Variants in MAGI2 observed in about 807,000 individuals in gnomAD.
MAGI2 encodes membrane-associated guanylate kinase, WW and PDZ domain-containing protein 2.
Under a neutral mutation model 133.3 loss-of-function variants are expected in MAGI2, and 35 were observed. The observed-to-expected ratio is 0.26, with a 90% confidence interval of 0.20 to 0.35. The LOEUF is 0.35. Among genes scored for constraint, MAGI2 ranks in the 10% least tolerant of loss-of-function variants. The pLI is 1.00. For synonymous variants in MAGI2, 729 were observed against 710.6 expected, an observed-to-expected ratio of 1.03 and a Z score of -0.41; for missense variants, 1,636 against 1,863.4, an observed-to-expected ratio of 0.88 and a Z score of 2.25.
At chr7:78,526,465 A>T (rs1796961213) in intron 3 of MAGI2, among the ~76,000 whole-genome samples, 1 of 152,210 alleles carries the variant, frequency 6.6e-6, no homozygotes, top group African/African-American at 2.4e-5. Flanking sequence ...TGTAAGTTTA[A>T]TATCAAATTC....
intron 3 of MAGI2, among the ~76,000 whole-genome samples, chr7:78,538,539 T>C: frequency 6.6e-6 from 1 of 152,198 alleles, no homozygotes; most frequent in East Asian, 1.9e-4. Flanking sequence ...AGAGATCTTT[T>C]ACCTCCTTGG....
chr7:78,549,151 T>G (rs1459749171), intron 3 of MAGI2, among the ~76,000 whole-genome samples: 2 of 152,158 alleles, frequency 1.3e-5, no homozygotes, highest in African/African-American at 4.8e-5. Context: ...CAAAAAATTG[T>G]GGACTTTGAG....
At chr7:78,816,221 G>A (rs1394776872) in intron 2 of MAGI2, among the ~76,000 whole-genome samples, 1 of 152,164 alleles carries the variant, frequency 6.6e-6, no homozygotes, top group East Asian at 1.9e-4. Context: ...ATTCTATGAA[G>A]GTTAAAAGAG....
chr7:78,479,606 C>G (rs1792148533), intron 6 of MAGI2, among the ~76,000 whole-genome samples: 1 of 151,942 alleles, frequency 6.6e-6, no homozygotes. Context: ...GCCTACGAAA[C>G]AGGCCAGAAC....
At chr7:78,684,405 A>AC (rs200747068) in intron 2 of MAGI2, among the ~76,000 whole-genome samples, 1,676 of 152,230 alleles carry the variant, frequency 0.011, 32 homozygotes, top group African/African-American at 0.039. Context: ...AACAGCCACT[A>AC]CTTTGGGTCA....
At chr7:78,695,016 G>A (rs7780316) in intron 2 of MAGI2, among the ~76,000 whole-genome samples, 58,369 of 151,668 alleles carry the variant, frequency 0.38, 11,582 homozygotes, top group Middle Eastern at 0.46. Flanking sequence ...ACGAAGTCAG[G>A]AGATCGACAT....
intron 6 of MAGI2, among the ~76,000 whole-genome samples, chr7:78,391,897 T>C (rs187039780): frequency 2.6e-5 from 4 of 152,302 alleles, no homozygotes; most frequent in Non-Finnish European, 5.9e-5. Context: ...AAGTGATAAA[T>C]ACATTTACCT....
chr7:78,092,940 A>C (rs568060731), intron 20 of MAGI2, among the ~76,000 whole-genome samples: 1 of 152,074 alleles, frequency 6.6e-6, no homozygotes, highest in East Asian at 1.9e-4. Context: ...TGGCTGTTGA[A>C]AGTAATGGCA....
At chr7:79,140,927 T>C (rs1822068532) in intron 1 of MAGI2, among the ~76,000 whole-genome samples, 1 of 152,210 alleles carries the variant, frequency 6.6e-6, no homozygotes, top group Admixed American at 6.5e-5. Flanking sequence ...TCCTTTGGTT[T>C]GGTTATAGCA....
chr7:78,721,930 T>G (rs941661859), intron 2 of MAGI2, among the ~76,000 whole-genome samples: 12 of 151,866 alleles, frequency 7.9e-5, no homozygotes, highest in African/African-American at 2.7e-4. Flanking sequence ...CTAGCAAACT[T>G]GATTGTTTAG....
At chr7:78,916,728 G>A (rs1032304163) in intron 2 of MAGI2, among the ~76,000 whole-genome samples, 8 of 152,126 alleles carry the variant, frequency 5.3e-5, no homozygotes, top group African/African-American at 1.9e-4. Flanking sequence ...TTCTTTGACA[G>A]CCTGTCAGTG....
At chr7:78,808,997 G>T (rs1002721125) in intron 2 of MAGI2, among the ~76,000 whole-genome samples, 1 of 152,174 alleles carries the variant, frequency 6.6e-6, no homozygotes, top group Non-Finnish European at 1.5e-5. Flanking sequence ...ATTCTTTCAT[G>T]TTCTAAGGAG....
intron 2 of MAGI2, among the ~76,000 whole-genome samples, chr7:78,730,067 C>A (rs985719500): frequency 1.3e-5 from 2 of 152,036 alleles, no homozygotes; most frequent in African/African-American, 4.8e-5. Context: ...TGAAATAAAC[C>A]AAATGCAACT....
At chr7:78,211,209 G>C (rs1787734383) in intron 10 of MAGI2, among the ~76,000 whole-genome samples, 1 of 152,084 alleles carries the variant, frequency 6.6e-6, no homozygotes, top group Non-Finnish European at 1.5e-5. Context: ...AGAGGCTGGA[G>C]CAGATCTCTC....
At chr7:79,394,043 G>A (rs1844864131) in intron 1 of MAGI2, among the ~76,000 whole-genome samples, 1 of 152,108 alleles carries the variant, frequency 6.6e-6, no homozygotes, top group Non-Finnish European at 1.5e-5. Context: ...TAGAACTGCT[G>A]CCAAGTCACT....
chr7:79,281,835 AAC>A (rs1400828848), intron 1 of MAGI2, among the ~76,000 whole-genome samples: 1 of 152,170 alleles, frequency 6.6e-6, no homozygotes, highest in Non-Finnish European at 1.5e-5. Flanking sequence ...TATAATATGA[AAC>A]AGAGTTAGAG....
At chr7:78,722,816 G>C (rs981726046) in intron 2 of MAGI2, among the ~76,000 whole-genome samples, 1 of 152,010 alleles carries the variant, frequency 6.6e-6, no homozygotes, top group Non-Finnish European at 1.5e-5. Flanking sequence ...AGAATCCCTG[G>C]GGGAACTTAA....
chr7:78,633,365 G>T (rs1024604566), intron 2 of MAGI2, among the ~76,000 whole-genome samples: 1 of 152,134 alleles, frequency 6.6e-6, no homozygotes, highest in African/African-American at 2.4e-5. Context: ...GTTTACCTAT[G>T]TCACAAATCT....
At chr7:78,395,453 C>T (rs1796255848) in intron 6 of MAGI2, among the ~76,000 whole-genome samples, 2 of 152,238 alleles carry the variant, frequency 1.3e-5, no homozygotes, top group South Asian at 2.1e-4. Context: ...ATTCCTTTGT[C>T]TTCATCATCC....
Sources: allele counts gnomAD v4.1 joint callset (sites outside exome capture counted in the v4.1 genomes callset), GRCh38; gene constraint gnomAD v4.1.1; transcripts MANE v1.5; gene names NCBI Gene and HGNC (gene_info 2026-07-23, HGNC 2026-07-21).